THRB: variants seen among roughly 807,000 people sequenced by gnomAD.
THRB encodes the protein nuclear receptor subfamily 1 group A member 2.
Under a neutral mutation model 47.8 loss-of-function variants are expected in THRB, and 12 were observed. The ratio of observed to expected loss-of-function variants is 0.25; its 90% confidence interval spans 0.16 to 0.41. The LOEUF (loss-of-function observed/expected upper bound fraction) is 0.41, where lower values mean the gene tolerates loss of function less well. Among genes scored for constraint, THRB ranks in the 10% least tolerant of loss-of-function variants. The pLI, the probability that THRB is intolerant of heterozygous loss-of-function variation, is 1.00. For synonymous variants in THRB, 218 were observed against 212.2 expected (o/e 1.03, Z -0.24); for missense variants, 348 against 589.2 (o/e 0.59, Z 4.24).
At chr3:24,447,844 G>A (rs932543117) in intron 1 of THRB, among the ~76,000 whole-genome samples, 1 of 151,866 alleles carries the variant, frequency 6.6e-6, no homozygotes, top group Non-Finnish European at 1.5e-5. Flanking sequence ...TCACCCAAAT[G>A]GTATCGGAGG....
intron 3 of THRB, among the ~76,000 whole-genome samples, chr3:24,289,654 C>T (rs1027399659): frequency 8.5e-5 from 13 of 152,158 alleles, no homozygotes; most frequent in African/African-American, 3.1e-4. Context: ...TCAAAGAAAA[C>T]CTAATTATTT....
At chr3:24,171,814 C>T (rs2040479403) in intron 5 of THRB, among the ~76,000 whole-genome samples, 1 of 152,104 alleles carries the variant, frequency 6.6e-6, no homozygotes, top group Non-Finnish European at 1.5e-5. Context: ...ACTTTTACTT[C>T]CTCAGTCCTG....
chr3:24,127,368 C>T, intron 10 of THRB, 131 bp downstream of exon 10: 1 of 993,266 alleles, frequency 1.0e-6, no homozygotes, highest in Non-Finnish European at 1.5e-6. Context: ...GGCAAACCTG[C>T]AATTTCTTAC....
intron 3 of THRB, among the ~76,000 whole-genome samples, chr3:24,273,775 A>G (rs956384469): frequency 6.6e-6 from 1 of 152,160 alleles, no homozygotes; most frequent in African/African-American, 2.4e-5. Flanking sequence ...GGTAGAGCAC[A>G]ATACTATCTT....
chr3:24,159,514 C>T (rs938875855), intron 5 of THRB, among the ~76,000 whole-genome samples: 1 of 152,180 alleles, frequency 6.6e-6, no homozygotes, highest in Non-Finnish European at 1.5e-5. Flanking sequence ...TCCATTTTGA[C>T]AGACGTCAAT....
intron 1 of THRB, among the ~76,000 whole-genome samples, chr3:24,443,630 A>G (rs2071767391): frequency 6.6e-6 from 1 of 152,224 alleles, no homozygotes; most frequent in Non-Finnish European, 1.5e-5. Flanking sequence ...CTTTGGTCCA[A>G]GAATAAAAAG....
intron 1 of THRB, among the ~76,000 whole-genome samples, chr3:24,467,004 G>A (rs112934548): frequency 6.6e-6 from 1 of 152,138 alleles, no homozygotes; most frequent in Non-Finnish European, 1.5e-5. Flanking sequence ...GCCCACAGTG[G>A]AACTCCTTTC....
chr3:24,143,754 T>C (rs754075399), intron 7 of THRB, 48 bp from the exon 8 acceptor site: 1 of 1,595,488 alleles, frequency 6.3e-7, no homozygotes, highest in Non-Finnish European at 8.6e-7. Flanking sequence ...GCTCCCAAGA[T>C]ACACAGCAAG....
At chr3:24,353,027 GA>G (rs2063455298) in intron 1 of THRB, among the ~76,000 whole-genome samples, 4 of 151,836 alleles carry the variant, frequency 2.6e-5, no homozygotes, top group Admixed American at 2.6e-4. Flanking sequence ...TCTCTTTAAT[GA>G]CAACTTCAGG....
chr3:24,234,148 G>C (rs2048631739), intron 3 of THRB, among the ~76,000 whole-genome samples: 1 of 152,096 alleles, frequency 6.6e-6, no homozygotes, highest in Non-Finnish European at 1.5e-5. Context: ...AACTATTAGG[G>C]AGTGTGCTCT....
At chr3:24,184,566 C>T (rs1448646253) in intron 5 of THRB, among the ~76,000 whole-genome samples, 1 of 152,038 alleles carries the variant, frequency 6.6e-6, no homozygotes, top group Admixed American at 6.5e-5. Context: ...AGCTTTTCTC[C>T]CCCTTGGCTT....
intron 3 of THRB, among the ~76,000 whole-genome samples, chr3:24,295,594 AG>A (rs1407311344): frequency 2.6e-5 from 4 of 152,164 alleles, no homozygotes; most frequent in Non-Finnish European, 5.9e-5. Context: ...TATTTCAGTA[AG>A]TTTGCCTGTA....
At chr3:24,269,387 A>ACGCGCACG (rs1384262861) in intron 3 of THRB, among the ~76,000 whole-genome samples, 16 of 98,360 alleles carry the variant, frequency 1.6e-4, no homozygotes, top group African/African-American at 5.8e-4. Context: ...CATAGCTCAC[A>ACGCGCACG]CGCGCGCGCG....
intron 1 of THRB, among the ~76,000 whole-genome samples, chr3:24,417,134 A>ACGCG (rs1335685672): frequency 9.9e-5 from 9 of 90,496 alleles, no homozygotes; most frequent in African/African-American, 3.0e-4. Flanking sequence ...ACACACACAC[A>ACGCG]CACACGCGCA....
At chr3:24,259,033 T>G (rs1041490960) in intron 3 of THRB, among the ~76,000 whole-genome samples, 1 of 152,196 alleles carries the variant, frequency 6.6e-6, no homozygotes, top group African/African-American at 2.4e-5. Context: ...GAAGCTAACT[T>G]GGCCTCCTGA....
intron 1 of THRB, among the ~76,000 whole-genome samples, chr3:24,362,924 T>C (rs2064179705): frequency 6.6e-6 from 1 of 152,174 alleles, no homozygotes; most frequent in Non-Finnish European, 1.5e-5. Flanking sequence ...AAATGATACA[T>C]GTGACAACTG....
At chr3:24,291,805 C>T (rs1173945813) in intron 3 of THRB, among the ~76,000 whole-genome samples, 3 of 152,128 alleles carry the variant, frequency 2.0e-5, no homozygotes, top group African/African-American at 4.8e-5. Context: ...ATTAGTCCAA[C>T]ATTTTGGCAA....
intron 3 of THRB, among the ~76,000 whole-genome samples, chr3:24,275,492 G>C (rs2053818628): frequency 6.6e-6 from 1 of 152,092 alleles, no homozygotes; most frequent in African/African-American, 2.4e-5. Flanking sequence ...AACTTTGACA[G>C]TTTTCTTCTA....
At chr3:24,176,001 T>C (rs1344987246) in intron 5 of THRB, among the ~76,000 whole-genome samples, 1 of 152,196 alleles carries the variant, frequency 6.6e-6, no homozygotes, top group African/African-American at 2.4e-5. Flanking sequence ...ATTTTATTGT[T>C]TTTGAATTTC....
Sources: allele counts gnomAD v4.1 joint callset (sites outside exome capture counted in the v4.1 genomes callset), GRCh38; gene constraint gnomAD v4.1.1; transcripts MANE v1.5; gene names NCBI Gene and HGNC (gene_info 2026-07-23, HGNC 2026-07-21).